PLEKHG5: variants seen among roughly 807,000 people sequenced by gnomAD.
PLEKHG5 encodes pleckstrin homology domain-containing family G member 5.
A neutral mutation model predicts 103.8 loss-of-function variants in PLEKHG5; 52 were observed. The observed-to-expected ratio is 0.50, with a 90% CI of 0.40 to 0.63. PLEKHG5 has a LOEUF of 0.63. Among genes scored for constraint, PLEKHG5 ranks in the 30% least tolerant of loss-of-function variants. PLEKHG5 has a pLI of 0.00. For synonymous variants in PLEKHG5, 592 were observed against 575.5 expected, an observed-to-expected ratio of 1.03 and a Z score of -0.41; for missense variants, 1,205 against 1,347.6, an observed-to-expected ratio of 0.89 and a Z score of 1.66.
Position 6,505,736 on chromosome 1 carries a change from C to T in PLEKHG5, c.-164-9167G>A, listed in dbSNP as rs566396377. On this transcript the variant is annotated intron_variant, in intron 1 of 21. Coordinates refer to the PLEKHG5 transcript ENST00000377740. The surrounding 1 kb of genome is among the most constrained non-coding windows in gnomAD (Gnocchi z 4.2). ...CTTGCGGGCGGGGTGAGAGCAGAGG[C>T]AGAGGCCAGGCCTGAAGCCCAGTGC... is the stretch of plus-strand genomic sequence containing the variant. Among the ~76,000 whole-genome samples the T allele has an allele frequency of 1.3e-5, 2 of 152,246 alleles. No homozygotes were observed. The highest frequency in any genetic ancestry group is 2.9e-5 in the Non-Finnish European group (2 of 68,040).
At chr1:6,496,846 G>A, upstream of PLEKHG5, 1 of 641,214 alleles carries the variant, frequency 1.6e-6, no homozygotes, top group Non-Finnish European at 2.5e-6. Context: ...CTAGTCTGGG[G>A]GACAAGTGGG....
chr1:6,511,767 C>G (rs376393283), intron 1 of PLEKHG5, among the ~76,000 whole-genome samples: 1 of 152,210 alleles, frequency 6.6e-6, no homozygotes, highest in Non-Finnish European at 1.5e-5. Flanking sequence ...TGACTGCAGC[C>G]CCCCCAGAGA....
At chr1:6,480,076 C>G (rs1644862205) in intron 1 of PLEKHG5, among the ~76,000 whole-genome samples, 1 of 146,158 alleles carries the variant, frequency 6.8e-6, no homozygotes, top group African/African-American at 2.6e-5. Context: ...CTCTGGGGAC[C>G]TCTGTACCTT....
rs562109169 is a variant in PLEKHG5, at chr1:6,487,874, A to G, written c.-88+3763T>C. ...TCGGCACTTAGAACAGTCCTGGTGC[A>G]CAGTAGGTGCGCTTGGTGGGGATGA... On this transcript the variant is annotated intron_variant, in intron 1 of 20. Transcript: ENST00000377728. The surrounding 1 kb of genome is among the most constrained non-coding windows in gnomAD (Gnocchi z 4.1). Among the ~76,000 whole-genome samples, 3 of 152,334 alleles carry G rather than the reference A, an allele frequency of 2.0e-5. No homozygotes were observed. The South Asian group carries it at 6.2e-4, about 32-fold the overall frequency.
chr1:6,473,060 C>A lies in PLEKHG5; in HGVS notation c.910G>T (p.Asp304Tyr). The change falls in exon 9 of 21, where the codon GAT becomes TAT. Residue 304 changes from aspartate to tyrosine, a missense_variant. By Grantham distance (160) the Asp-to-Tyr change is radical (BLOSUM62 -3). Coordinates refer to ENST00000377728, the MANE Select transcript of PLEKHG5 (RefSeq NM_020631.6). ...GCATTGTCCTCATCCTCGTCTTCAT[C>A]GTACTCCTCCTCCCAGGAGTCATGG... is the stretch of plus-strand genomic sequence containing the variant. ...FDHDSWEEEYDEDEDEDNACL... is the reference protein window; with the variant it reads ...FDHDSWEEEYYEDEDEDNACL... 5 of 1,613,936 alleles carry A rather than the reference C, an allele frequency of 3.1e-6. No individual in the cohort carries two copies. The highest frequency in any genetic ancestry group is 4.2e-6 in the Non-Finnish European group (5 of 1,179,888).
intron 1 of PLEKHG5, among the ~76,000 whole-genome samples, chr1:6,512,662 G>A (rs1638509735): frequency 6.6e-6 from 1 of 152,212 alleles, no homozygotes; most frequent in Non-Finnish European, 1.5e-5. Context: ...TCTCCAGGAT[G>A]TCTTTCAGTG....
chr1:6,485,435 T>A, intron 1 of PLEKHG5: 1 of 1,289,098 alleles, frequency 7.8e-7, no homozygotes, highest in Non-Finnish European at 9.8e-7. Flanking sequence ...CACCGGGTCC[T>A]GTCCCCATGG....
Position 6,490,676 on chromosome 1 carries a change from GA to G in PLEKHG5, c.-88+960del. ...ACGGCGCCGCCCGGCTGGGACCGGG[GA>G]GAGGAGGGGTCCCAGGAAGGGCCCC... On this transcript the variant is annotated intron_variant, in intron 1 of 20. Transcript: ENST00000377728. This position sits in a 1 kb window ranked among gnomAD's most constrained non-coding sequence, Gnocchi z 8.0. 4 of 885,958 alleles carry G rather than the reference GA, an allele frequency of 4.5e-6. No individual in the cohort carries two copies. The highest frequency in any genetic ancestry group is 5.4e-6 in the Non-Finnish European group (4 of 739,350). 54.9% of individuals were successfully genotyped at this position (885,958 alleles called of 1,614,324 possible). A position where few individuals can be genotyped will look rare whatever the true frequency, so the allele number is the denominator to read the frequency against.
chr1:6,512,529 C>G (rs1178491881), intron 1 of PLEKHG5, among the ~76,000 whole-genome samples: 1 of 152,224 alleles, frequency 6.6e-6, no homozygotes, highest in African/African-American at 2.4e-5. Flanking sequence ...GTGGGAGGCC[C>G]AGTCACTGCC....
rs1266871358 is a variant in PLEKHG5, at chr1:6,469,371, C to T, written c.2013G>A (p.Leu671=). 1 of 1,614,060 alleles carries T rather than the reference C, an allele frequency of 6.2e-7. No individual in the cohort carries two copies. Among genetic ancestry groups the T allele is most frequent in the Admixed American group, 1.7e-5 (1 of 60,012 alleles). ...AYTFQASGQA[L]CRGWVDTIYN... is the part of the protein sequence containing the mutation. ...AAATGGTGTCCACCCAGCCACGGCA[C>T]AAGGCCTGGCCACTGGCCTGGAACG... is the stretch of plus-strand genomic sequence containing the variant. Residue 671 remains leucine, a synonymous_variant, in exon 18 of 21, where the codon TTG becomes TTA. Coordinates refer to ENST00000377728, the MANE Select transcript of PLEKHG5 (RefSeq NM_020631.6).
chr1:6,518,907 G>A (rs1357675410), intron 1 of PLEKHG5, among the ~76,000 whole-genome samples: 2 of 152,174 alleles, frequency 1.3e-5, no homozygotes, highest in Non-Finnish European at 2.9e-5. Context: ...GCAGTGGCAC[G>A]ATTTCTGCTC....
chr1:6,477,452 T>C (rs745547883), intron 2 of PLEKHG5, 77 bp downstream of exon 2: 36 of 1,452,134 alleles, frequency 2.5e-5, no homozygotes, highest in Non-Finnish European at 3.3e-5. Flanking sequence ...TATGACGCCC[T>C]AGCACGTTTC....
At chr1:6,482,708 G>T (rs897004979) in intron 1 of PLEKHG5, among the ~76,000 whole-genome samples, 12 of 152,196 alleles carry the variant, frequency 7.9e-5, no homozygotes, top group South Asian at 2.1e-4. Context: ...ATTTATTTAT[G>T]TATTTATTTA....
rs1055267470 is a variant in PLEKHG5 at position 6,467,417 on chromosome 1, A to G, written c.*146T>C. ...CTCCATCCAGTCCGGCAAAGCGCAA[A>G]TCGGGCCCGGGCGTAGGCAGGGATC... On this transcript the variant is annotated 3_prime_UTR_variant, in exon 21 of 21. Coordinates refer to ENST00000377728, the MANE Select transcript of PLEKHG5 (RefSeq NM_020631.6). The G allele has an allele frequency of 5.7e-6, 5 of 883,290 alleles. No individual in the cohort carries two copies. In the African/African-American group the frequency reaches 8.2e-5, roughly 14 times the overall value. 54.7% of individuals were successfully genotyped at this position (883,290 alleles called of 1,614,324 possible).
At chr1:6,485,085 G>C (rs548710624) in intron 1 of PLEKHG5, among the ~76,000 whole-genome samples, 2 of 152,184 alleles carry the variant, frequency 1.3e-5, no homozygotes, top group African/African-American at 4.8e-5. Flanking sequence ...GACACAAAGC[G>C]CCAAGAATTG....
chr1:6,497,187 G>T, upstream of PLEKHG5: 1 of 863,076 alleles, frequency 1.2e-6, no homozygotes, highest in Non-Finnish European at 1.9e-6. This position sits in a 1 kb window ranked among gnomAD's most constrained non-coding sequence, Gnocchi z 6.1. Context: ...GGCCGAGTTT[G>T]GGTACGAGCG....
intron 1 of PLEKHG5, among the ~76,000 whole-genome samples, chr1:6,488,896 C>T (rs1645091108): frequency 6.6e-6 from 1 of 152,164 alleles, no homozygotes; most frequent in Non-Finnish European, 1.5e-5. Context: ...GGCAGGACCC[C>T]CGCACCCGGC....
intron 1 of PLEKHG5, among the ~76,000 whole-genome samples, chr1:6,510,556 A>G (rs979934195): frequency 1.3e-5 from 2 of 151,940 alleles, no homozygotes; most frequent in Middle Eastern, 3.5e-3. Flanking sequence ...TGCCACTGCA[A>G]TCTAGCCTGG....
intron 13 of PLEKHG5, 48 bp from the exon 14 acceptor site, chr1:6,470,932 C>A: frequency 6.5e-7 from 1 of 1,548,404 alleles, no homozygotes; most frequent in Non-Finnish European, 8.7e-7. Flanking sequence ...CCGCCCCACC[C>A]GGCCCCGTCC....
Sources: gnomAD v4.1 joint callset for allele counts (sites outside exome capture counted in the v4.1 genomes callset) on GRCh38, gnomAD v4.1.1 for gene constraint, Gnocchi (gnomAD v3.1) non-coding constraint, MANE v1.5 for transcripts, NCBI Gene and HGNC (gene_info 2026-07-23, HGNC 2026-07-21) for gene names.